Variants in NCOA2 observed in about 807,000 individuals in gnomAD.
NCOA2 encodes the protein nuclear receptor coactivator 2, also known as class E basic helix-loop-helix protein 75.
NCOA2 carries 21 observed loss-of-function variants against 145.1 expected under a neutral mutation model. The observed-to-expected ratio is 0.14, with a 90% confidence interval of 0.10 to 0.21. The LOEUF is 0.21. Ranked by LOEUF, NCOA2 falls within the 10% of genes least tolerant of loss-of-function variation. The pLI is 1.00. For synonymous variants in NCOA2, 619 were observed against 637.5 expected, an observed-to-expected ratio of 0.97 and a Z score of 0.44; for missense variants, 1,472 against 1,837.6, an observed-to-expected ratio of 0.80 and a Z score of 3.64.
intron 1 of NCOA2, among the ~76,000 whole-genome samples, chr8:70,400,394 T>TC (rs1375921150): frequency 6.6e-6 from 1 of 151,814 alleles, no homozygotes; most frequent in African/African-American, 2.4e-5. Flanking sequence ...GAGGTTTTTT[T>TC]CCCCCCAAGC....
chr8:70,211,464 AG>A (rs1819017974), intron 4 of NCOA2, among the ~76,000 whole-genome samples: 2 of 151,762 alleles, frequency 1.3e-5, no homozygotes, highest in African/African-American at 4.9e-5. Context: ...AAAAAAAAAA[AG>A]AAAAAAAAAG....
intron 1 of NCOA2, among the ~76,000 whole-genome samples, chr8:70,375,136 T>C (rs549308354): frequency 3.3e-4 from 50 of 152,214 alleles, no homozygotes; most frequent in Non-Finnish European, 6.0e-4. Context: ...CACTTTTTAT[T>C]TTATATACAT....
intron 1 of NCOA2, among the ~76,000 whole-genome samples, chr8:70,366,617 C>G (rs1410697270): frequency 6.6e-6 from 1 of 151,462 alleles, no homozygotes; most frequent in Non-Finnish European, 1.5e-5. Context: ...TTCTTTACTA[C>G]TTTGGCTTTT....
the NCOA2 span, among the ~76,000 whole-genome samples, chr8:70,454,639 C>T: frequency 3.3e-5 from 5 of 152,198 alleles, no homozygotes; most frequent in African/African-American, 9.6e-5. Context: ...CAAACAAAAC[C>T]AAATCAACAA....
At chr8:70,238,059 G>C (rs1325792581) in intron 2 of NCOA2, among the ~76,000 whole-genome samples, 1 of 152,144 alleles carries the variant, frequency 6.6e-6, no homozygotes, top group Non-Finnish European at 1.5e-5. Context: ...AAACATATGT[G>C]ATTAAGATAG....
intron 1 of NCOA2, among the ~76,000 whole-genome samples, chr8:70,355,451 G>A (rs1168872622): frequency 6.6e-6 from 1 of 152,360 alleles, no homozygotes; most frequent in East Asian, 1.9e-4. Context: ...ATGAGGGGGT[G>A]AGAACTATCC....
At chr8:70,202,889 G>A (rs941602925) in intron 4 of NCOA2, among the ~76,000 whole-genome samples, 4 of 152,156 alleles carry the variant, frequency 2.6e-5, no homozygotes, top group African/African-American at 7.2e-5. Context: ...TCCTTGGAAG[G>A]ACCAATGAAA....
At chr8:70,283,634 C>T (rs771153793) in intron 2 of NCOA2, among the ~76,000 whole-genome samples, 20 of 152,202 alleles carry the variant, frequency 1.3e-4, no homozygotes, top group Non-Finnish European at 2.5e-4. Context: ...TATTAAAAGT[C>T]TTTATGTTGT....
At chr8:70,405,202 C>T (rs969272701), upstream of NCOA2, among the ~76,000 whole-genome samples, 3 of 152,040 alleles carry the variant, frequency 2.0e-5, no homozygotes, top group African/African-American at 7.3e-5. Flanking sequence ...TGTCTTCATC[C>T]TAAAATTTGT....
the NCOA2 span, among the ~76,000 whole-genome samples, chr8:70,433,343 T>TA: frequency 8.9e-3 from 1,224 of 137,898 alleles, 8 homozygotes; most frequent in South Asian, 0.025. Context: ...AGAAGTACAC[T>TA]AAAAAAAAAA....
At chr8:70,421,293 G>C in the NCOA2 span, among the ~76,000 whole-genome samples, 2 of 151,988 alleles carry the variant, frequency 1.3e-5, no homozygotes, top group Non-Finnish European at 2.9e-5. Flanking sequence ...GCTCACGCCT[G>C]TAATCCCAGC....
chr8:70,298,328 T>C lies in NCOA2; in HGVS notation c.-76-1528A>G, dbSNP rs79249352. On this transcript the variant is annotated intron_variant, in intron 1 of 22. Coordinates refer to ENST00000452400, the MANE Select transcript of NCOA2 (RefSeq NM_006540.4). Reference sequence around the variant, plus strand: ...ACAGAAAAAGATGGCATTTTGATTTTTACCAAGACCTGGCCAGTCTTGAAC... The same window carrying C: ...ACAGAAAAAGATGGCATTTTGATTTCTACCAAGACCTGGCCAGTCTTGAAC... Among the ~76,000 whole-genome samples, 897 of 152,324 alleles carry C rather than the reference T, an allele frequency of 5.9e-3. 5 individuals carry two copies. Among genetic ancestry groups the C allele is most frequent in the African/African-American group, 0.02 (837 of 41,566 alleles).
chr8:70,442,033 G>A, the NCOA2 span, among the ~76,000 whole-genome samples: 2 of 132,826 alleles, frequency 1.5e-5, no homozygotes, highest in African/African-American at 3.0e-5. Context: ...AAAGAGAAAA[G>A]AAAGAGAAAG....
chr8:70,123,946 T>A lies in NCOA2; in HGVS notation c.4231A>T (p.Ile1411Phe). ...MSSMNQMTGQ[I>F]SMTSVTSVPT... ...ACGGAGGTCACTGAGGTCATGCTGA[T>A]CTGTCCTGTCATCTGGTTCATGCTG... is the stretch of plus-strand genomic sequence containing the variant. The change falls in exon 21 of 23, where the codon ATC becomes TTC. Residue 1411 changes from isoleucine (I) to phenylalanine (F), a missense_variant. Around this residue, in one of 4 missense-constraint regions of NCOA2, gnomAD observed 232 missense variants for 290.6 expected, o/e 0.80. Transcript: ENST00000452400. 2 of 1,613,984 alleles carry A rather than the reference T, an allele frequency of 1.2e-6. No individual in the cohort carries two copies. The highest frequency in any genetic ancestry group is 1.7e-6 in the Non-Finnish European group (2 of 1,179,876).
intron 1 of NCOA2, among the ~76,000 whole-genome samples, chr8:70,299,160 TTAAA>T (rs1827310522): frequency 1.3e-5 from 2 of 152,164 alleles, no homozygotes; most frequent in Admixed American, 1.3e-4. Context: ...GTGTAACATT[TTAAA>T]CAAAAAGAAT....
intron 2 of NCOA2, among the ~76,000 whole-genome samples, chr8:70,276,293 C>T (rs1475118369): frequency 6.6e-6 from 1 of 152,036 alleles, no homozygotes; most frequent in African/African-American, 2.4e-5. Flanking sequence ...AATAAATCCT[C>T]CAGATTCCAA....
chr8:70,454,454 C>T, the NCOA2 span, among the ~76,000 whole-genome samples: 5 of 152,086 alleles, frequency 3.3e-5, no homozygotes, highest in Non-Finnish European at 7.4e-5. Flanking sequence ...TGACCTTTTT[C>T]GGAGGAAACT....
At chr8:70,262,913 T>C (rs1009065925) in intron 2 of NCOA2, among the ~76,000 whole-genome samples, 1 of 152,016 alleles carries the variant, frequency 6.6e-6, no homozygotes, top group Non-Finnish European at 1.5e-5. Context: ...CAGTAAGAGA[T>C]TAACAACAAT....
intron 1 of NCOA2, among the ~76,000 whole-genome samples, chr8:70,351,011 C>A (rs1809131569): frequency 6.6e-6 from 1 of 152,200 alleles, no homozygotes; most frequent in Admixed American, 6.5e-5. Context: ...GGTGGAAGGA[C>A]AAGAGAGCAT....
Sources: gnomAD v4.1 joint callset for allele counts (sites outside exome capture counted in the v4.1 genomes callset) on GRCh38, gnomAD v4.1.1 for gene constraint, gnomAD v4.1.1 regional missense constraint, MANE v1.5 for transcripts, NCBI Gene and HGNC (gene_info 2026-07-23, HGNC 2026-07-21) for gene names.